Variants in MTCL2 observed in about 807,000 individuals in gnomAD.
The protein encoded by MTCL2 is microtubule crosslinking factor 2.
At chr20:36,815,744 G>C in the MTCL2 span, 6 of 1,590,986 alleles carry the variant, frequency 3.8e-6, no homozygotes, top group East Asian at 1.4e-4. The surrounding 1 kb of genome is among the most constrained non-coding windows in gnomAD (Gnocchi z 5.3). Flanking sequence ...GTGAAGGTTC[G>C]CTGAGCACAG....
chr20:36,835,892 C>A, the MTCL2 span, among the ~76,000 whole-genome samples: 1 of 152,190 alleles, frequency 6.6e-6, no homozygotes, highest in Non-Finnish European at 1.5e-5. Context: ...CCCACGGAGG[C>A]GCCGCAGCCG....
the MTCL2 span, chr20:36,863,117 T>G: frequency 1.4e-6 from 2 of 1,397,730 alleles, no homozygotes; most frequent in Non-Finnish European, 1.9e-6. The surrounding 1 kb of genome is among the most constrained non-coding windows in gnomAD (Gnocchi z 6.2). Context: ...CGGGAGCCAC[T>G]GCGCGCCCCT....
the MTCL2 span, among the ~76,000 whole-genome samples, chr20:36,851,115 T>C: frequency 6.6e-6 from 1 of 152,196 alleles, no homozygotes; most frequent in Non-Finnish European, 1.5e-5. Context: ...TTCTATATCT[T>C]GGTTGTGGTG....
chr20:36,815,370 T>A, the MTCL2 span: 3 of 1,613,648 alleles, frequency 1.9e-6, no homozygotes, highest in East Asian at 4.5e-5. The surrounding 1 kb of genome is among the most constrained non-coding windows in gnomAD (Gnocchi z 5.3). Context: ...CAGCCGGAAG[T>A]CAGCACACTC....
the MTCL2 span, among the ~76,000 whole-genome samples, chr20:36,800,411 G>A: frequency 6.6e-6 from 1 of 152,184 alleles, no homozygotes; most frequent in African/African-American, 2.4e-5. Flanking sequence ...TCTGGGATTT[G>A]TTAGTCAGCC....
chr20:36,801,776 G>C, the MTCL2 span, among the ~76,000 whole-genome samples: 1 of 151,854 alleles, frequency 6.6e-6, no homozygotes. Context: ...GACCAGCCTG[G>C]CCAACATGGT....
chr20:36,816,004 C>A, the MTCL2 span: 3 of 1,613,660 alleles, frequency 1.9e-6, no homozygotes, highest in Non-Finnish European at 2.5e-6. Flanking sequence ...TCCTTCATGT[C>A]GTCCATCTCA....
At chr20:36,846,269 C>A in the MTCL2 span, among the ~76,000 whole-genome samples, 52 of 152,154 alleles carry the variant, frequency 3.4e-4, no homozygotes, top group Non-Finnish European at 4.0e-4. Context: ...CTCTGCCAGA[C>A]AACAAAAGGG....
At chr20:36,841,184 T>A in the MTCL2 span, among the ~76,000 whole-genome samples, 1,162 of 29,584 alleles carry the variant, frequency 0.039, 4 homozygotes, top group African/African-American at 0.086. Context: ...AAAAAAAAAA[T>A]GAGCCCAGCG....
At chr20:36,786,494 G>T in the MTCL2 span, 22 of 1,538,814 alleles carry the variant, frequency 1.4e-5, no homozygotes, top group African/African-American at 2.7e-5. Context: ...GTCACTCGCT[G>T]GGGGGGAGTG....
At chr20:36,781,048 T>TA in the MTCL2 span, 4 of 152,242 alleles carry the variant, frequency 2.6e-5, no homozygotes, top group Admixed American at 2.6e-4. Flanking sequence ...TTACACCAGT[T>TA]AGATTTACAG....
At chr20:36,778,758 C>G in the MTCL2 span, 2 of 152,266 alleles carry the variant, frequency 1.3e-5, no homozygotes, top group African/African-American at 4.8e-5. Flanking sequence ...GAGGGGTGCT[C>G]TAGGGACCAC....
the MTCL2 span, among the ~76,000 whole-genome samples, chr20:36,800,168 GAAC>G: frequency 9.2e-5 from 14 of 152,208 alleles, no homozygotes; most frequent in African/African-American, 3.1e-4. Flanking sequence ...TCTGATGTGA[GAAC>G]AACAGCAGAA....
the MTCL2 span, among the ~76,000 whole-genome samples, chr20:36,825,984 A>G: frequency 2.1e-5 from 3 of 142,426 alleles, no homozygotes; most frequent in Non-Finnish European, 4.5e-5. Context: ...AAATTTCACA[A>G]ATAAATTCCA....
At chr20:36,802,142 C>T in the MTCL2 span, among the ~76,000 whole-genome samples, 5 of 151,990 alleles carry the variant, frequency 3.3e-5, no homozygotes, top group Middle Eastern at 0.01. Flanking sequence ...AAAAATTAGC[C>T]GGCTGTGGTA....
the MTCL2 span, among the ~76,000 whole-genome samples, chr20:36,830,485 C>T: frequency 0.038 from 5,785 of 152,130 alleles, 429 homozygotes; most frequent in African/African-American, 0.13. Context: ...GAAGAATCAC[C>T]TGGGCCCTGG....
chr20:36,796,245 C>G, the MTCL2 span, among the ~76,000 whole-genome samples: 1 of 152,326 alleles, frequency 6.6e-6, no homozygotes, highest in South Asian at 2.1e-4. Flanking sequence ...AGAGGCAGCT[C>G]CTATCATCCC....
the MTCL2 span, chr20:36,794,280 G>A: frequency 1.3e-6 from 2 of 1,552,396 alleles, no homozygotes; most frequent in Non-Finnish European, 1.7e-6. This position sits in a 1 kb window ranked among gnomAD's most constrained non-coding sequence, Gnocchi z 5.4. Context: ...TCTTTGTCAT[G>A]AACCACAGGG....
the MTCL2 span, among the ~76,000 whole-genome samples, chr20:36,791,135 C>A: frequency 4.7e-3 from 710 of 151,700 alleles, 8 homozygotes; most frequent in African/African-American, 0.016. Context: ...CCTGGGTTCA[C>A]GCGATTCTCC....
Sources: gnomAD v4.1 joint callset for allele counts (sites outside exome capture counted in the v4.1 genomes callset) on GRCh38, gnomAD v4.1.1 for gene constraint, Gnocchi (gnomAD v3.1) non-coding constraint, MANE v1.5 for transcripts, NCBI Gene and HGNC (gene_info 2026-07-23, HGNC 2026-07-21) for gene names.